ZNF804A: variants seen among roughly 807,000 people sequenced by gnomAD.
ZNF804A encodes zinc finger protein 804A.
Under a neutral mutation model 16.5 loss-of-function variants are expected in ZNF804A, and 2 were observed. That is an observed-to-expected ratio of 0.12 (90% CI 0.05 to 0.38). The LOEUF (loss-of-function observed/expected upper bound fraction) is 0.38, where lower values mean the gene tolerates loss of function less well. ZNF804A is among the 10% of genes least tolerant of loss of function. The pLI is 0.99. For synonymous variants in ZNF804A, 534 were observed against 489.6 expected, an observed-to-expected ratio of 1.09 and a Z score of -1.20; for missense variants, 1,473 against 1,390.7, an observed-to-expected ratio of 1.06 and a Z score of -0.94.
intron 1 of ZNF804A, among the ~76,000 whole-genome samples, chr2:184,682,334 A>C (rs528274063): frequency 6.6e-6 from 1 of 152,362 alleles, no homozygotes; most frequent in African/African-American, 2.4e-5. Context: ...TTGAGTATTG[A>C]TAATATGTAT....
chr2:184,694,292 T>C (rs1242033378), intron 1 of ZNF804A, among the ~76,000 whole-genome samples: 1 of 152,024 alleles, frequency 6.6e-6, no homozygotes, highest in Non-Finnish European at 1.5e-5. Flanking sequence ...CTGTTATAAA[T>C]TGCAAATGAT....
At chr2:184,690,649 G>T (rs1456027411) in intron 1 of ZNF804A, among the ~76,000 whole-genome samples, 1 of 152,010 alleles carries the variant, frequency 6.6e-6, no homozygotes, top group Non-Finnish European at 1.5e-5. Context: ...ATTAAATCAA[G>T]AAATATTTAC....
At chr2:184,611,052 G>A (rs898151283) in intron 1 of ZNF804A, among the ~76,000 whole-genome samples, 1 of 152,110 alleles carries the variant, frequency 6.6e-6, no homozygotes, top group East Asian at 1.9e-4. Context: ...CAGTTCTAGA[G>A]GCTGGGAATT....
intron 1 of ZNF804A, among the ~76,000 whole-genome samples, chr2:184,741,536 G>C (rs1172144456): frequency 6.6e-6 from 1 of 152,096 alleles, no homozygotes; most frequent in Non-Finnish European, 1.5e-5. Context: ...ATAAATCGCA[G>C]AATATCTGGC....
intron 1 of ZNF804A, among the ~76,000 whole-genome samples, chr2:184,613,675 A>G (rs889484973): frequency 2.6e-5 from 4 of 152,108 alleles, no homozygotes; most frequent in African/African-American, 9.7e-5. Context: ...AGCTGATATA[A>G]GAAGAATTGG....
chr2:184,912,322 G>C (rs1172380872), intron 2 of ZNF804A, among the ~76,000 whole-genome samples: 1 of 151,746 alleles, frequency 6.6e-6, no homozygotes, highest in Non-Finnish European at 1.5e-5. Context: ...TATATTCCTT[G>C]GATATATCAC....
intron 1 of ZNF804A, among the ~76,000 whole-genome samples, chr2:184,659,260 T>G (rs1368529765): frequency 6.6e-6 from 1 of 152,172 alleles, no homozygotes; most frequent in Non-Finnish European, 1.5e-5. Flanking sequence ...CTGGACTGAT[T>G]GCTGAAGCAA....
At chr2:184,781,432 TC>T (rs1694370038) in intron 1 of ZNF804A, among the ~76,000 whole-genome samples, 1 of 151,766 alleles carries the variant, frequency 6.6e-6, no homozygotes, top group Admixed American at 6.6e-5. Flanking sequence ...AAAATCACAA[TC>T]TTTAAAAATA....
At chr2:184,799,499 A>G (rs912246201) in intron 1 of ZNF804A, among the ~76,000 whole-genome samples, 1 of 152,060 alleles carries the variant, frequency 6.6e-6, no homozygotes, top group Non-Finnish European at 1.5e-5. Flanking sequence ...ACGATGGTTA[A>G]GAAGGCATTA....
chr2:184,777,853 T>A (rs6434102), intron 1 of ZNF804A, among the ~76,000 whole-genome samples: 50,528 of 151,414 alleles, frequency 0.33, 11,804 homozygotes, highest in African/African-American at 0.67. Context: ...GATGAACCAC[T>A]GTGTTTACCA....
At chr2:184,628,906 T>C (rs1691554668) in intron 1 of ZNF804A, among the ~76,000 whole-genome samples, 1 of 152,206 alleles carries the variant, frequency 6.6e-6, no homozygotes, top group African/African-American at 2.4e-5. Flanking sequence ...TACCAAATAA[T>C]ACATTTTTTA....
chr2:184,649,485 G>T (rs1380469846), intron 1 of ZNF804A, among the ~76,000 whole-genome samples: 1 of 151,848 alleles, frequency 6.6e-6, no homozygotes, highest in Non-Finnish European at 1.5e-5. Context: ...CAAAACCAAA[G>T]CTTGGTTATT....
chr2:184,788,600 A>T (rs1455770490), intron 1 of ZNF804A, among the ~76,000 whole-genome samples: 1 of 152,020 alleles, frequency 6.6e-6, no homozygotes, highest in Non-Finnish European at 1.5e-5. Flanking sequence ...TAACTATTGT[A>T]AATGGGATTG....
At chr2:184,865,169 G>A (rs932263442) in intron 1 of ZNF804A, among the ~76,000 whole-genome samples, 2 of 151,880 alleles carry the variant, frequency 1.3e-5, no homozygotes, top group African/African-American at 4.8e-5. Flanking sequence ...CATGAGCCAC[G>A]GCGCCAGGCC....
rs143272432 is a variant in ZNF804A, at chr2:184,887,992, G to A, written c.255+21480G>A. On this transcript the variant is annotated intron_variant, in intron 2 of 3. Coordinates refer to ENST00000302277, the MANE Select transcript of ZNF804A (RefSeq NM_194250.2). Reference sequence around the variant, plus strand: ...ACTTGAGAGTGGAGGTTGGGAGTACGGTAACGGTTGAAGAACTACCTATTG... The same window carrying A: ...ACTTGAGAGTGGAGGTTGGGAGTACAGTAACGGTTGAAGAACTACCTATTG... Among the ~76,000 whole-genome samples the A allele has an allele frequency of 8.5e-4, 129 of 152,220 alleles. 2 individuals carry two copies. The East Asian group carries it at 0.022, about 26-fold the overall frequency.
At chr2:184,697,847 A>C (rs1399352570) in intron 1 of ZNF804A, among the ~76,000 whole-genome samples, 1 of 152,048 alleles carries the variant, frequency 6.6e-6, no homozygotes, top group South Asian at 2.1e-4. Flanking sequence ...GTGGCTTTTA[A>C]ACTATCCTCA....
intron 1 of ZNF804A, among the ~76,000 whole-genome samples, chr2:184,758,545 C>T (rs986987000): frequency 2.6e-5 from 4 of 151,842 alleles, no homozygotes; most frequent in Non-Finnish European, 5.9e-5. Flanking sequence ...TATTGTCTGC[C>T]TTTGTATTCA....
At chr2:184,931,639 G>C (rs973491544) in intron 2 of ZNF804A, among the ~76,000 whole-genome samples, 5 of 152,208 alleles carry the variant, frequency 3.3e-5, no homozygotes, top group Non-Finnish European at 7.3e-5. Context: ...ACAGGCTGCT[G>C]TGAAGAAACC....
chr2:184,665,116 A>G (rs762501909), intron 1 of ZNF804A, among the ~76,000 whole-genome samples: 2 of 152,164 alleles, frequency 1.3e-5, no homozygotes, highest in African/African-American at 2.4e-5. Context: ...ACAAACACAA[A>G]CTCTTAGTAT....
Sources: gnomAD v4.1 joint callset for allele counts (sites outside exome capture counted in the v4.1 genomes callset) on GRCh38, gnomAD v4.1.1 for gene constraint, MANE v1.5 for transcripts, NCBI Gene and HGNC (gene_info 2026-07-23, HGNC 2026-07-21) for gene names.